WNT4: variants seen among roughly 807,000 people sequenced by gnomAD.
WNT4 encodes the protein protein Wnt-4.
In WNT4, 16 loss-of-function variants were observed where a neutral mutation model predicts 34.5. That is an observed-to-expected ratio of 0.46 (90% CI 0.31 to 0.70). The LOEUF (loss-of-function observed/expected upper bound fraction) is 0.70. WNT4 is among the 30% of genes least tolerant of loss of function. The pLI, the probability that WNT4 is intolerant of heterozygous loss-of-function variation, is 0.04. For missense variants in WNT4, 379 were observed against 495.9 expected (o/e 0.76, Z 2.24); for synonymous variants, 200 against 211.9 (o/e 0.94, Z 0.49).
intron 2 of WNT4, 59 bp downstream of exon 2, chr1:22,129,557 G>C (rs115547783): frequency 0.012 from 18,237 of 1,557,626 alleles, 157 homozygotes; most frequent in Non-Finnish European, 0.013. Flanking sequence ...CTCATTTCCT[G>C]CTGGGCCCAT....
chr1:22,127,404 G>A (rs769293908), intron 2 of WNT4: 9 of 533,282 alleles, frequency 1.7e-5, no homozygotes, highest in East Asian at 5.4e-5. Context: ...CCTTCCTTGC[G>A]CCTTTGAGTC....
At chr1:22,135,533 G>C (rs913557341) in intron 1 of WNT4, among the ~76,000 whole-genome samples, 11 of 152,250 alleles carry the variant, frequency 7.2e-5, no homozygotes, top group Middle Eastern at 3.4e-3. Flanking sequence ...TGTCTTTTCT[G>C]AACTACAGTG....
chr1:22,133,941 C>A (rs1256412618), intron 1 of WNT4, among the ~76,000 whole-genome samples: 1 of 152,260 alleles, frequency 6.6e-6, no homozygotes, highest in Non-Finnish European at 1.5e-5. Flanking sequence ...GGGCTTGTCC[C>A]AAGCTTTTCC....
At position 22,140,284 on chromosome 1, in the gene WNT4, C is replaced by T. The variant is rs560702881; in HGVS notation, c.77+2562G>A. The stretch of plus-strand genomic sequence containing the variant: ...TTCCTTCTAGAGGCAGCTTTTCAGT[C>T]GGACACCTCTGGCATTTACCAGCTG... On this transcript the variant is annotated intron_variant, in intron 1 of 4. Transcript: ENST00000290167. The surrounding 1 kb of genome is among the most constrained non-coding windows in gnomAD (Gnocchi z 5.9). 7.4e-4 allele frequency: 726 copies of T among 985,334 alleles called. No homozygotes were observed. The highest frequency in any genetic ancestry group is 8.5e-4 in the Non-Finnish European group (704 of 829,932). 61.0% of individuals were successfully genotyped at this position (985,334 alleles called of 1,614,324 possible). A position where few individuals can be genotyped will look rare whatever the true frequency, so the allele number is the denominator to read the frequency against.
chr1:22,132,467 C>T (rs1645991623), intron 1 of WNT4, among the ~76,000 whole-genome samples: 1 of 152,190 alleles, frequency 6.6e-6, no homozygotes, highest in Non-Finnish European at 1.5e-5. Flanking sequence ...ACCGGTGGGT[C>T]CATATGGCCT....
chr1:22,120,117 A>G lies in WNT4; in HGVS notation c.989T>C (p.Phe330Ser). Reference sequence around the variant, plus strand: ...GCACTTGACGAAGCAGCACCAGTGGAATTTGCAGCTGCAGCGTTCAGCCAG... The same window carrying G: ...GCACTTGACGAAGCAGCACCAGTGGGATTTGCAGCTGCAGCGTTCAGCCAG... Reference protein sequence around the residue: ...VELAERCSCKFHWCCFVKCRQ... With the variant: ...VELAERCSCKSHWCCFVKCRQ... Residue 330 changes from phenylalanine (F) to serine (S), a missense_variant, in exon 5 of 5, where the codon TTC (phenylalanine) becomes TCC (serine). Phe to Ser is a radical substitution (Grantham distance 155). Around this residue, in one of 2 missense-constraint regions of WNT4, gnomAD observed 313 missense variants for 445.8 expected, o/e 0.70. Transcript: ENST00000290167. 6.2e-7 allele frequency: 1 copy of G among 1,613,192 alleles called. No individual in the cohort carries two copies. The highest frequency in any genetic ancestry group is 8.5e-7 in the Non-Finnish European group (1 of 1,179,836).
Position 22,129,836 on chromosome 1 carries a change from C to T in WNT4, c.93G>A (p.Leu31=). The change falls in exon 2 of 5, where the codon CTG becomes CTA. Residue 31 remains leucine (L), a synonymous_variant. Transcript: ENST00000290167. ...AASNWLYLAK[L]SSVGSISEEE... is the part of the protein sequence containing the mutation. ...CCTCTGAGATGCTCCCCACCGACGACAGCTTGGCCAGGTACCTGGGGAGAG... is the reference window on the plus strand; with the variant it reads ...CCTCTGAGATGCTCCCCACCGACGATAGCTTGGCCAGGTACCTGGGGAGAG... 2 of 1,613,916 alleles carry T rather than the reference C, an allele frequency of 1.2e-6. No individual in the cohort carries two copies. Among genetic ancestry groups the T allele is most frequent in the Non-Finnish European group, 1.7e-6 (2 of 1,180,040 alleles).
chr1:22,124,152 C>G (rs1645923748), intron 2 of WNT4, among the ~76,000 whole-genome samples: 2 of 152,240 alleles, frequency 1.3e-5, no homozygotes, highest in Non-Finnish European at 2.9e-5. Flanking sequence ...AGAGAAAGAA[C>G]TGTAGTCCAC....
intron 1 of WNT4, among the ~76,000 whole-genome samples, chr1:22,132,380 G>C (rs953585568): frequency 5.3e-5 from 8 of 152,184 alleles, no homozygotes; most frequent in Non-Finnish European, 5.9e-5. Flanking sequence ...CTGGGCAGGG[G>C]GGGCAGCCTC....
At position 22,120,475 on chromosome 1, in the gene WNT4, C is replaced by T. The variant is rs1645887197; in HGVS notation, c.631G>A (p.Val211Met). The T allele has an allele frequency of 1.2e-6, 2 of 1,613,542 alleles. No individual in the cohort carries two copies. The highest frequency in any genetic ancestry group is 1.1e-5 in the South Asian group (1 of 91,084). Residue 211 changes from valine (V) to methionine (M), a missense_variant, in exon 5 of 5, where the codon GTG becomes ATG. By Grantham distance (21) the Val-to-Met change is conservative. Coordinates refer to ENST00000290167, the MANE Select transcript of WNT4 (RefSeq NM_030761.5). Reference protein sequence around the residue: ...HMRVECKCHGVSGSCEVKTCW... With the variant: ...HMRVECKCHGMSGSCEVKTCW... ...GTCTTTACCTCACAGGAGCCTGACA[C>T]CCCGTGGCACTTGCATTCCACCCGC...
rs1267430735 is a variant in WNT4 at position 22,139,105 on chromosome 1, G to T, written c.77+3741C>A. ...GTTGAGCAAGGGGGTTGCAGCCTAG[G>T]ATCCTACCTGTGTTAAATCAGTGGA... On this transcript the variant is annotated intron_variant, in intron 1 of 4. Transcript: ENST00000290167. The surrounding 1 kb of genome is among the most constrained non-coding windows in gnomAD (Gnocchi z 4.6). 2.0e-5 allele frequency among the ~76,000 whole-genome samples: 3 copies of T among 152,202 alleles called. No individual in the cohort carries two copies. The highest frequency in any genetic ancestry group is 7.2e-5 in the African/African-American group (3 of 41,446).
In WNT4 at chr1:22,140,860, C is replaced by T. The variant is rs1329160899; in HGVS notation, c.77+1986G>A. ...CCGTTGCAGAGAACAGGTTTGCCAA[C>T]CTCTCTTCTCCTAGGCTGCCCCTCC... On this transcript the variant is annotated intron_variant, in intron 1 of 4. Transcript: ENST00000290167. The surrounding 1 kb of genome is among the most constrained non-coding windows in gnomAD (Gnocchi z 5.9). Among the ~76,000 whole-genome samples, 1 of 152,216 alleles carries T rather than the reference C, an allele frequency of 6.6e-6. No homozygotes were observed. Among genetic ancestry groups the T allele is most frequent in the Admixed American group, 6.5e-5 (1 of 15,280 alleles).
intron 2 of WNT4, among the ~76,000 whole-genome samples, chr1:22,123,139 C>A (rs1645915422): frequency 6.6e-6 from 1 of 152,222 alleles, no homozygotes; most frequent in Non-Finnish European, 1.5e-5. Flanking sequence ...CAGCACAAAT[C>A]TTTGCCCCAA....
Position 22,119,221 on chromosome 1 carries a change from TGTGTG to T in WNT4, c.*824_*828del, listed in dbSNP as rs1645874399. On this transcript the variant is annotated 3_prime_UTR_variant, in exon 5 of 5. Coordinates refer to ENST00000290167, the MANE Select transcript of WNT4 (RefSeq NM_030761.5). Reference sequence around the variant, plus strand: ...GTGTGTGTGTGTGTGTGTGTGTGTGTGTGTGTGTTTCAGTTTCATGGAGGAACAGC... The same window carrying T: ...GTGTGTGTGTGTGTGTGTGTGTGTGTTGTTTCAGTTTCATGGAGGAACAGC... 1 of 139,526 alleles carries T rather than the reference TGTGTG, an allele frequency of 7.2e-6. No individual in the cohort carries two copies. Among genetic ancestry groups the T allele is most frequent in the Non-Finnish European group, 1.5e-5 (1 of 67,632 alleles). The allele number at this position is 139,526 out of a possible 1,614,324, so 8.6% of individuals were successfully genotyped here.
rs1646027559 is a variant in WNT4 at position 22,137,034 on chromosome 1, G to A, written c.77+5812C>T. On this transcript the variant is annotated intron_variant, in intron 1 of 4. Transcript: ENST00000290167. The surrounding 1 kb of genome is among the most constrained non-coding windows in gnomAD (Gnocchi z 5.3). Reference sequence around the variant, plus strand: ...CAGTCATCTCGGGGAAGGGCCCTGAGGCCCATCAGCATTCCTGCTGTTCTA... The same window carrying A: ...CAGTCATCTCGGGGAAGGGCCCTGAAGCCCATCAGCATTCCTGCTGTTCTA... Among the ~76,000 whole-genome samples, 1 of 152,140 alleles carries A rather than the reference G, an allele frequency of 6.6e-6. No homozygotes were observed. The highest frequency in any genetic ancestry group is 6.5e-5 in the Admixed American group (1 of 15,284).
At chr1:22,124,172 TAGC>T (rs1381356511) in intron 2 of WNT4, among the ~76,000 whole-genome samples, 2 of 152,202 alleles carry the variant, frequency 1.3e-5, no homozygotes, top group Non-Finnish European at 2.9e-5. Context: ...CCTGGGCAGG[TAGC>T]AGCGGGGGGG....
chr1:22,136,539 G>C (rs904514800), intron 1 of WNT4, among the ~76,000 whole-genome samples: 1 of 152,164 alleles, frequency 6.6e-6, no homozygotes, highest in African/African-American at 2.4e-5. Context: ...AGTCCTAGGA[G>C]AGCCTGTGGC....
intron 1 of WNT4, among the ~76,000 whole-genome samples, chr1:22,131,112 G>A (rs1645980425): frequency 6.6e-6 from 1 of 152,270 alleles, no homozygotes; most frequent in South Asian, 2.1e-4. Context: ...GCCTTGGGCA[G>A]AGACAGTATT....
At chr1:22,121,991 C>G (rs1422034673) in intron 2 of WNT4, among the ~76,000 whole-genome samples, 1 of 152,162 alleles carries the variant, frequency 6.6e-6, no homozygotes, top group Admixed American at 6.5e-5. Flanking sequence ...TATGGAAGAC[C>G]AGACAGGCTG....
Sources: gnomAD v4.1 joint callset for allele counts (sites outside exome capture counted in the v4.1 genomes callset) on GRCh38, gnomAD v4.1.1 for gene constraint, gnomAD v4.1.1 regional missense constraint, Gnocchi (gnomAD v3.1) non-coding constraint, MANE v1.5 for transcripts, NCBI Gene and HGNC (gene_info 2026-07-23, HGNC 2026-07-21) for gene names.